FER1L5: variants seen among roughly 807,000 people sequenced by gnomAD.
FER1L5 encodes fer-1 like family member 5, also known as fer-1-like protein 5.
In FER1L5, 187 loss-of-function variants were observed where a neutral mutation model predicts 279.9. The ratio of observed to expected loss-of-function variants is 0.67; its 90% CI spans 0.59 to 0.75. The LOEUF is 0.75. Among genes scored for constraint, FER1L5 ranks in the 30% least tolerant of loss-of-function variants. The pLI, the probability that FER1L5 is intolerant of heterozygous loss-of-function variation, is 0.00. For missense variants in FER1L5, 2,091 were observed against 2,594.4 expected (o/e 0.81, Z 4.21); for synonymous variants, 921 against 989.7 (o/e 0.93, Z 1.30).
chr2:96,692,019 C>CGG (rs368566816), intron 30 of FER1L5, 56 bp downstream of exon 30: 1,210 of 889,348 alleles, frequency 1.4e-3, no homozygotes, highest in Middle Eastern at 3.5e-3. Flanking sequence ...TACCCGAGGG[C>CGG]GGGGGGGGGG....
At chr2:96,663,973 G>A (rs1242586511) in intron 14 of FER1L5, among the ~76,000 whole-genome samples, 5 of 152,084 alleles carry the variant, frequency 3.3e-5, no homozygotes, top group South Asian at 2.1e-4. Context: ...AACCCCGGAG[G>A]TGGAAGTTGC....
chr2:96,663,916 G>A (rs1432798711), intron 14 of FER1L5, among the ~76,000 whole-genome samples: 3 of 151,954 alleles, frequency 2.0e-5, no homozygotes, highest in African/African-American at 7.3e-5. Flanking sequence ...GGTGACATGC[G>A]CCTGTAGTTC....
intron 3 of FER1L5, among the ~76,000 whole-genome samples, chr2:96,647,525 G>T (rs1270092076): frequency 6.6e-6 from 1 of 152,078 alleles, no homozygotes; most frequent in Admixed American, 6.6e-5. Flanking sequence ...AATCCTATTG[G>T]CCCAGCTCTA....
At chr2:96,659,983 C>G (rs1333685169) in intron 9 of FER1L5, among the ~76,000 whole-genome samples, 2 of 152,152 alleles carry the variant, frequency 1.3e-5, no homozygotes, top group African/African-American at 4.8e-5. Context: ...CAACTCCTAC[C>G]TCTTACCTTA....
chr2:96,645,818 A>C (rs2075097028), intron 1 of FER1L5, among the ~76,000 whole-genome samples: 1 of 152,082 alleles, frequency 6.6e-6, no homozygotes, highest in Admixed American at 6.6e-5. Context: ...AGTAAAGAAA[A>C]AATAAAAAGA....
chr2:96,699,185 A>AC (rs1334552277), intron 42 of FER1L5, 49 bp downstream of exon 42: 1 of 1,544,500 alleles, frequency 6.5e-7, no homozygotes, highest in African/African-American at 1.4e-5. Context: ...TATCCACACC[A>AC]CACTGGAAGT....
At position 96,691,929 on chromosome 2, in the gene FER1L5, C is replaced by T; in HGVS notation, c.3180C>T (p.Pro1060=). 6.4e-7 allele frequency: 1 copy of T among 1,551,014 alleles called. No homozygotes were observed. The change falls in exon 30 of 53, where the codon CCC becomes CCT. Residue 1060 remains proline (P), a synonymous_variant. Transcript: ENST00000624922. The surrounding 1 kb of genome is among the most constrained non-coding windows in gnomAD (Gnocchi z 6.0). ...ACCCCCAGAGGCAGGACACCCGGCC[C>T]CCCAACTTGCCCTTCATCTACTGCA... ...FRDPQRQDTR[P]PNLPFIYCTF...
At position 96,691,913 on chromosome 2, in the gene FER1L5, G is replaced by A. The variant is rs1418384555; in HGVS notation, c.3164G>A (p.Arg1055Lys). Residue 1055 changes from arginine (R) to lysine (K), a missense_variant, in exon 30 of 53, where the codon AGG (arginine) becomes AAG (lysine). Transcript: ENST00000624922. This position sits in a 1 kb window ranked among gnomAD's most constrained non-coding sequence, Gnocchi z 6.0. ...GLDRQFRDPQ[R>K]QDTRPPNLPF... ...GACAGACAGTTCAGGGACCCCCAGA[G>A]GCAGGACACCCGGCCCCCCAACTTG... 1 of 1,551,230 alleles carries A rather than the reference G, an allele frequency of 6.4e-7. No individual in the cohort carries two copies. The highest frequency in any genetic ancestry group is 8.7e-7 in the Non-Finnish European group (1 of 1,146,952).
Position 96,704,660 on chromosome 2 carries a change from A to AT in FER1L5, c.6146dup (p.Glu2051ArgfsTer67). On this transcript the variant is annotated frameshift_variant, in exon 53 of 53. Transcript: ENST00000624922. LOFTEE classifies it high-confidence loss of function. ...AGGACCCACAAATCACCTGAGTGATATTTTCCCAGAACTTCCAGCCCCAGG... is the reference window on the plus strand; with the variant it reads ...AGGACCCACAAATCACCTGAGTGATATTTTTCCCAGAACTTCCAGCCCCAGG... 6.2e-7 allele frequency: 1 copy of AT among 1,613,934 alleles called. No individual in the cohort carries two copies. The highest frequency in any genetic ancestry group is 8.5e-7 in the Non-Finnish European group (1 of 1,179,886).
intron 51 of FER1L5, among the ~76,000 whole-genome samples, chr2:96,703,842 G>A (rs1197271253): frequency 1.2e-5 from 1 of 84,178 alleles, no homozygotes; most frequent in East Asian, 3.9e-4. Flanking sequence ...TGAGATAATT[G>A]TCTCACTCTG....
intron 14 of FER1L5, among the ~76,000 whole-genome samples, chr2:96,664,892 C>T (rs2106544670): frequency 6.6e-6 from 1 of 152,274 alleles, no homozygotes; most frequent in Non-Finnish European, 1.5e-5. Context: ...ATAATTAGAG[C>T]TTTTTGTTGA....
Position 96,684,369 on chromosome 2 carries a change from T to TCGTGGC in FER1L5, c.1717_1722dup (p.Ala573_Val574dup). 2 of 1,551,666 alleles carry TCGTGGC rather than the reference T, an allele frequency of 1.3e-6. No individual in the cohort carries two copies. Among genetic ancestry groups the TCGTGGC allele is most frequent in the Non-Finnish European group, 1.7e-6 (2 of 1,146,970 alleles). ...GTGCCCTGGTACAACACCAAGCCTG[T>TCGTGGC]CGTGGCCGTGACCTCCAACTGGGAG... On this transcript the variant is annotated inframe_insertion, in exon 20 of 53. Transcript: ENST00000624922.
At chr2:96,692,821 C>G (rs1311841543) in intron 31 of FER1L5, among the ~76,000 whole-genome samples, 3 of 152,078 alleles carry the variant, frequency 2.0e-5, no homozygotes, top group Non-Finnish European at 4.4e-5. Flanking sequence ...TGGGCTTCAC[C>G]ACCCACATCG....
intron 37 of FER1L5, among the ~76,000 whole-genome samples, chr2:96,697,138 A>C (rs2077412879): frequency 6.6e-6 from 1 of 152,178 alleles, no homozygotes; most frequent in Non-Finnish European, 1.5e-5. Context: ...GGTGATTCCA[A>C]TGTGCTTTCA....
At chr2:96,669,871 A>G (rs2076260116) in intron 17 of FER1L5, among the ~76,000 whole-genome samples, 1 of 152,194 alleles carries the variant, frequency 6.6e-6, no homozygotes, top group Admixed American at 6.5e-5. Flanking sequence ...GTTACCACCC[A>G]GCCTGAAGCA....
chr2:96,703,451 G>A (rs1010063050), intron 50 of FER1L5, 72 bp from the exon 51 acceptor site: 35 of 1,607,290 alleles, frequency 2.2e-5, no homozygotes, highest in East Asian at 4.5e-5. Context: ...TCTTGATCCC[G>A]GGAAGAGGTC....
intron 18 of FER1L5, among the ~76,000 whole-genome samples, chr2:96,671,001 G>T (rs1017451352): frequency 6.7e-6 from 1 of 150,172 alleles, no homozygotes; most frequent in Non-Finnish European, 1.5e-5. Context: ...CAGCTACTTC[G>T]GAGGCTGAGG....
At position 96,687,836 on chromosome 2, in the gene FER1L5, G is replaced by T. The variant is rs557573458; in HGVS notation, c.2250G>T (p.Gln750His). The T allele has an allele frequency of 6.4e-7, 1 of 1,551,268 alleles. No individual in the cohort carries two copies. The highest frequency in any genetic ancestry group is 2.4e-5 in the East Asian group (1 of 40,908). Residue 750 changes from glutamine to histidine, a missense_variant, in exon 24 of 53, where the codon CAG becomes CAT. Transcript: ENST00000624922. The stretch of plus-strand genomic sequence containing the variant: ...CTCAGTACCCAGAGGGTGAAGGACA[G>T]AAGGATGTGCTCCCAGCTCACCTCC... Reference protein sequence around the residue: ...LFLQYPEGEGQKDVLPAHLRV... With the variant: ...LFLQYPEGEGHKDVLPAHLRV...
At chr2:96,693,056 A>G (rs1298750780) in intron 31 of FER1L5, among the ~76,000 whole-genome samples, 2 of 151,898 alleles carry the variant, frequency 1.3e-5, no homozygotes, top group Non-Finnish European at 2.9e-5. Flanking sequence ...GGCGGCTGTA[A>G]TCCCAGCTAT....
Sources: gnomAD v4.1 joint callset for allele counts (sites outside exome capture counted in the v4.1 genomes callset) on GRCh38, gnomAD v4.1.1 for gene constraint, Gnocchi (gnomAD v3.1) non-coding constraint, MANE v1.5 for transcripts, NCBI Gene and HGNC (gene_info 2026-07-23, HGNC 2026-07-21) for gene names.